The following PARL variants were observed in gnomAD, a reference collection of about 807,000 sequenced individuals.
PARL encodes presenilin-associated rhomboid-like protein, mitochondrial.
A neutral mutation model predicts 51.6 loss-of-function variants in PARL; 44 were observed. The observed-to-expected ratio is 0.85, with a 90% CI of 0.67 to 1.10. PARL has a LOEUF of 1.10. Among genes scored for constraint, PARL ranks in the 50% least tolerant of loss-of-function variants. The pLI is 0.00. For synonymous variants in PARL, 172 were observed against 164.0 expected, an observed-to-expected ratio of 1.05 and a Z score of -0.37; for missense variants, 441 against 469.5, an observed-to-expected ratio of 0.94 and a Z score of 0.56.
chr3:183,876,632 A>AAAAAAAAAAAAAAAAAAAAAAAAAG (rs1560433838), intron 1 of PARL, among the ~76,000 whole-genome samples: 1 of 118,412 alleles, frequency 8.4e-6, no homozygotes. Context: ...AAAAAAAAAA[A>AAAAAAAAAAAAAAAAAAAAAAAAAG]AAAAAAGAAA....
At chr3:183,845,189 T>A (rs1489221332) in intron 4 of PARL, among the ~76,000 whole-genome samples, 1 of 152,158 alleles carries the variant, frequency 6.6e-6, no homozygotes, top group Non-Finnish European at 1.5e-5. Context: ...AATAACATAC[T>A]GGTAAGAGGA....
rs561889709 is a variant in PARL at position 183,875,345 on chromosome 3, A to G, written c.126-7285T>C. On this transcript the variant is annotated intron_variant, in intron 1 of 9. Transcript: ENST00000317096. ...CAGGAGAATCGCTTGAACCTGGGAG[A>G]TGGAGGCTGCAGTGAGCTGAGATTG... Among the ~76,000 whole-genome samples the G allele has an allele frequency of 4.4e-5, 6 of 134,864 alleles. 2 individuals carry two copies. The South Asian group carries it at 1.5e-3, about 34-fold the overall frequency. 88.5% of individuals were successfully genotyped at this position (134,864 alleles called of 152,430 possible).
At chr3:183,870,409 A>G (rs1733053813) in intron 1 of PARL, among the ~76,000 whole-genome samples, 1 of 151,782 alleles carries the variant, frequency 6.6e-6, no homozygotes, top group African/African-American at 2.4e-5. Context: ...GATCATGGCA[A>G]CACTTTCCTT....
intron 1 of PARL, among the ~76,000 whole-genome samples, chr3:183,876,088 C>A (rs1361915434): frequency 6.6e-6 from 1 of 152,194 alleles, no homozygotes; most frequent in Non-Finnish European, 1.5e-5. Context: ...CTCTGTCGCC[C>A]AGGCTGGAAG....
chr3:183,862,017 C>T (rs1235374181), intron 4 of PARL, among the ~76,000 whole-genome samples: 2 of 152,140 alleles, frequency 1.3e-5, no homozygotes, highest in Non-Finnish European at 2.9e-5. Context: ...TCAAGGAATC[C>T]GCCCACCTTG....
At chr3:183,880,956 G>A (rs1445776378) in intron 1 of PARL, among the ~76,000 whole-genome samples, 4 of 151,776 alleles carry the variant, frequency 2.6e-5, no homozygotes, top group Admixed American at 2.0e-4. Flanking sequence ...GCTGGGACCA[G>A]AGGCAGCACC....
At chr3:183,878,987 A>G (rs1734144250) in intron 1 of PARL, among the ~76,000 whole-genome samples, 1 of 152,224 alleles carries the variant, frequency 6.6e-6, no homozygotes, top group Non-Finnish European at 1.5e-5. Flanking sequence ...TAGTTCATGA[A>G]CCACTTGGAA....
intron 6 of PARL, among the ~76,000 whole-genome samples, chr3:183,841,495 C>T (rs752279198): frequency 1.3e-4 from 20 of 152,176 alleles, no homozygotes; most frequent in Non-Finnish European, 2.6e-4. Context: ...ATTTTTGCAA[C>T]ATCACTCAGC....
At chr3:183,841,369 A>G (rs969273073) in intron 6 of PARL, among the ~76,000 whole-genome samples, 10 of 152,218 alleles carry the variant, frequency 6.6e-5, no homozygotes, top group Non-Finnish European at 1.3e-4. Context: ...CTAGATACAC[A>G]TAAGTATTCG....
In PARL at chr3:183,884,778, G is replaced by A; in HGVS notation, c.69C>T (p.Gly23=). Residue 23 remains glycine, a synonymous_variant, in exon 1 of 10, where the codon GGC becomes GGT. Coordinates refer to ENST00000317096, the MANE Select transcript of PARL (RefSeq NM_018622.7). ...CGQAWGASVG[G]RSCEELTAVL... ...CCGCAGTGAGCTCCTCGCAGCTGCG[G>A]CCGCCCACCGACGCACCCCACGCCT... is the stretch of plus-strand genomic sequence containing the variant. 1 of 1,586,506 alleles carries A rather than the reference G, an allele frequency of 6.3e-7. No homozygotes were observed. The highest frequency in any genetic ancestry group is 8.5e-7 in the Non-Finnish European group (1 of 1,172,470).
At chr3:183,834,588 G>A (rs947916208) in intron 7 of PARL, among the ~76,000 whole-genome samples, 30 of 152,156 alleles carry the variant, frequency 2.0e-4, no homozygotes, top group African/African-American at 7.0e-4. Flanking sequence ...AGGAGGGGCA[G>A]GAAGGAGTGA....
At position 183,829,315 on chromosome 3, in the gene PARL, G is replaced by A; in HGVS notation, c.*283C>T. On this transcript the variant is annotated 3_prime_UTR_variant, in exon 10 of 10. Transcript: ENST00000317096. ...GCCTTTCAGGGTGCACTCTCCCCAG[G>A]TCCTGTCAATGCAACAACCAAAGCA... The A allele has an allele frequency of 9.9e-7, 1 of 1,012,484 alleles. No individual in the cohort carries two copies. Among genetic ancestry groups the A allele is most frequent in the Admixed American group, 3.2e-5 (1 of 31,342 alleles). 62.7% of individuals were successfully genotyped at this position (1,012,484 alleles called of 1,614,324 possible). A position where few individuals can be genotyped will look rare whatever the true frequency, so the allele number is the denominator to read the frequency against.
At chr3:183,879,141 A>G (rs1411182369) in intron 1 of PARL, among the ~76,000 whole-genome samples, 1 of 152,240 alleles carries the variant, frequency 6.6e-6, no homozygotes, top group Admixed American at 6.5e-5. Flanking sequence ...ACTTACTCCC[A>G]GCATCCATGC....
Position 183,884,822 on chromosome 3 carries a change from T to G in PARL, c.25A>C (p.Arg9=), listed in dbSNP as rs1465150469. The G allele has an allele frequency of 6.3e-7, 1 of 1,597,344 alleles. No individual in the cohort carries two copies. Among genetic ancestry groups the G allele is most frequent in the South Asian group, 1.1e-5 (1 of 90,678 alleles). ...CACGCCTGGCCGCAGCCCCAGCCTC[T>G]CTGCGCCCAGCCTCGCCACGCCATC... The part of the protein sequence containing the change: MAWRGWAQ[R]GWGCGQAWGA... The change falls in exon 1 of 10, where the codon AGA becomes CGA. Residue 9 remains arginine, a synonymous_variant. Transcript: ENST00000317096.
rs79566422 is a variant in PARL at position 183,845,502 on chromosome 3, C to T, written c.512-1176G>A. ...CTGCATTTTGTTGAACTGATTCCAT[C>T]AGTTGTATCAGATGTCTCACTAGCA... On this transcript the variant is annotated intron_variant, in intron 4 of 9. Transcript: ENST00000317096. Among the ~76,000 whole-genome samples the T allele has an allele frequency of 4.8e-3, 731 of 152,314 alleles. 3 individuals carry two copies. The highest frequency in any genetic ancestry group is 7.8e-3 in the Non-Finnish European group (533 of 68,030).
intron 3 of PARL, 88 bp downstream of exon 3, chr3:183,866,537 A>C: frequency 9.7e-7 from 1 of 1,025,748 alleles, no homozygotes. Flanking sequence ...TGAATGCATC[A>C]TGTACACTGA....
At chr3:183,831,250 A>C (rs1234195724) in intron 9 of PARL, among the ~76,000 whole-genome samples, 2 of 152,248 alleles carry the variant, frequency 1.3e-5, no homozygotes, top group Non-Finnish European at 2.9e-5. Flanking sequence ...TGCTGGGATT[A>C]CAGGCGTGAG....
intron 1 of PARL, among the ~76,000 whole-genome samples, chr3:183,872,025 G>T (rs1733275957): frequency 6.9e-6 from 1 of 144,282 alleles, no homozygotes; most frequent in Non-Finnish European, 1.5e-5. Flanking sequence ...TTTTGAGATG[G>T]AGTTTCGCTC....
intron 5 of PARL, 41 bp downstream of exon 5, chr3:183,844,190 T>C: frequency 7.7e-7 from 1 of 1,304,718 alleles, no homozygotes. Context: ...TTCTTTCATA[T>C]TATTTCTACC....
Sources: gnomAD v4.1 joint callset for allele counts (sites outside exome capture counted in the v4.1 genomes callset) on GRCh38, gnomAD v4.1.1 for gene constraint, MANE v1.5 for transcripts, NCBI Gene and HGNC (gene_info 2026-07-23, HGNC 2026-07-21) for gene names.